Variants in NDFIP1 observed in about 807,000 individuals in gnomAD.
The protein encoded by NDFIP1 is Nedd4 family interacting protein 1.
A neutral mutation model predicts 28.8 loss-of-function variants in NDFIP1; 7 were observed. The ratio of observed to expected loss-of-function variants is 0.24; its 90% confidence interval spans 0.14 to 0.46. The LOEUF (loss-of-function observed/expected upper bound fraction) is 0.46, where lower values mean the gene tolerates loss of function less well. Ranked by LOEUF, NDFIP1 falls within the 20% of genes least tolerant of loss-of-function variation. The probability of loss-of-function intolerance (pLI) is 0.99; values close to 1 mark genes in which losing one functional copy is unlikely to be tolerated. For synonymous variants in NDFIP1, 92 were observed against 101.0 expected, an observed-to-expected ratio of 0.91 and a Z score of 0.53; for missense variants, 194 against 269.1, an observed-to-expected ratio of 0.72 and a Z score of 1.95.
chr5:142,131,258 C>A (rs1306534619), intron 1 of NDFIP1, among the ~76,000 whole-genome samples: 1 of 152,054 alleles, frequency 6.6e-6, no homozygotes, highest in Non-Finnish European at 1.5e-5. Flanking sequence ...GTGTGAGCCA[C>A]CATGCCTGGC....
At chr5:142,119,317 C>G (rs1006932523) in intron 1 of NDFIP1, among the ~76,000 whole-genome samples, 10 of 152,202 alleles carry the variant, frequency 6.6e-5, no homozygotes, top group African/African-American at 2.4e-4. Context: ...AATTATTAAC[C>G]CACACCCCTG....
intron 7 of NDFIP1, among the ~76,000 whole-genome samples, chr5:142,147,629 G>A (rs954245445): frequency 6.6e-6 from 1 of 152,180 alleles, no homozygotes; most frequent in Non-Finnish European, 1.5e-5. Flanking sequence ...GAGATTATGA[G>A]CTCTGAATTT....
rs11960947 is a variant in NDFIP1, at chr5:142,125,755, C to T, written c.64-6053C>T. The stretch of plus-strand genomic sequence containing the variant: ...GCAGTGTATTAGAGTTCCCGTTTCT[C>T]CACATACTCAGCACTTGTTATTGTC... On this transcript the variant is annotated intron_variant, in intron 1 of 7. Coordinates refer to ENST00000253814, the MANE Select transcript of NDFIP1 (RefSeq NM_030571.4). 9.9e-3 allele frequency among the ~76,000 whole-genome samples: 1,503 copies of T among 152,292 alleles called. 24 individuals are homozygous for T. Among genetic ancestry groups the T allele is most frequent in the African/African-American group, 0.035 (1,436 of 41,554 alleles).
intron 1 of NDFIP1, among the ~76,000 whole-genome samples, chr5:142,123,429 C>T (rs1757140648): frequency 6.6e-6 from 1 of 152,144 alleles, no homozygotes; most frequent in Non-Finnish European, 1.5e-5. Flanking sequence ...CCACCATGTC[C>T]AGCCATAAAA....
In NDFIP1 at chr5:142,108,907, A is replaced by G. The variant is rs2126907212; in HGVS notation, c.-68A>G. On this transcript the variant is annotated 5_prime_UTR_variant, in exon 1 of 8. Transcript: ENST00000253814. ...CCCCCTCGGCCTCCCAGCGCTCCCA[A>G]GCCGCAGCGGCCGCGCCCCTTCAGC... is the stretch of plus-strand genomic sequence containing the variant. 3 of 1,325,968 alleles carry G rather than the reference A, an allele frequency of 2.3e-6. No homozygotes were observed. Among genetic ancestry groups the G allele is most frequent in the Non-Finnish European group, 2.9e-6 (3 of 1,031,616 alleles). The allele number at this position is 1,325,968 out of a possible 1,614,324, so 82.1% of individuals were successfully genotyped here.
intron 1 of NDFIP1, among the ~76,000 whole-genome samples, chr5:142,122,470 G>T (rs10463348): frequency 0.67 from 102,172 of 151,990 alleles, 34,645 homozygotes; most frequent in African/African-American, 0.77. Context: ...CCCTCCTTAT[G>T]TGTCTTTTGG....
chr5:142,132,734 G>T (rs1211957432), intron 3 of NDFIP1, among the ~76,000 whole-genome samples: 1 of 152,188 alleles, frequency 6.6e-6, no homozygotes, highest in African/African-American at 2.4e-5. Flanking sequence ...AAACTCATAA[G>T]AGGGATCTTC....
rs1756978716 is a variant in NDFIP1, at chr5:142,108,807, C to G, written c.-168C>G. 8.2e-6 allele frequency: 4 copies of G among 486,210 alleles called. No homozygotes were observed. The highest frequency in any genetic ancestry group is 1.3e-5 in the Non-Finnish European group (4 of 298,856). The allele number at this position is 486,210 out of a possible 1,614,324, so 30.1% of individuals were successfully genotyped here. A position where few individuals can be genotyped will look rare whatever the true frequency, so the allele number is the denominator to read the frequency against. ...GGCCGCGTCGGAGCCTCGGCGGCGG[C>G]GGCGGTGCTTACAGCCTGAGAAGAG... On this transcript the variant is annotated 5_prime_UTR_variant, in exon 1 of 8. Coordinates refer to ENST00000253814, the MANE Select transcript of NDFIP1 (RefSeq NM_030571.4).
At chr5:142,133,274 A>T (rs1484262867) in intron 3 of NDFIP1, among the ~76,000 whole-genome samples, 2 of 152,218 alleles carry the variant, frequency 1.3e-5, no homozygotes, top group Non-Finnish European at 2.9e-5. Flanking sequence ...TCTTACAGGT[A>T]CCAGGGAGAA....
At chr5:142,135,597 A>G (rs1199969515) in intron 3 of NDFIP1, 133 bp from the exon 4 acceptor site, 6 of 637,814 alleles carry the variant, frequency 9.4e-6, no homozygotes, top group Middle Eastern at 3.1e-4. Flanking sequence ...TTAAACACAC[A>G]TTGAGCCTTT....
rs547465651 is a variant in NDFIP1 at position 142,154,264 on chromosome 5, C to T, written c.*2536C>T. 8 of 152,328 alleles carry T rather than the reference C, an allele frequency of 5.3e-5. No individual in the cohort carries two copies. In the South Asian group the frequency reaches 6.2e-4, roughly 12 times the overall value. 9.4% of individuals were successfully genotyped at this position (152,328 alleles called of 1,614,324 possible). A position where few individuals can be genotyped will look rare whatever the true frequency, so the allele number is the denominator to read the frequency against. ...CTAGCTTGGACCTTGGGCTGCAGGACGACTAGGATTCACCCATAACGACAC... is the reference window on the plus strand; with the variant it reads ...CTAGCTTGGACCTTGGGCTGCAGGATGACTAGGATTCACCCATAACGACAC... On this transcript the variant is annotated 3_prime_UTR_variant, in exon 8 of 8. Transcript: ENST00000253814.
chr5:142,132,080 A>G, intron 2 of NDFIP1, 132 bp from the exon 3 acceptor site: 1 of 1,151,722 alleles, frequency 8.7e-7, no homozygotes, highest in Non-Finnish European at 1.2e-6. Context: ...TCATCTAAGA[A>G]TGTCTTTTGG....
chr5:142,133,803 T>C (rs1292712787), intron 3 of NDFIP1, among the ~76,000 whole-genome samples: 1 of 152,186 alleles, frequency 6.6e-6, no homozygotes, highest in Non-Finnish European at 1.5e-5. Flanking sequence ...TGTTCCTCAT[T>C]GTTATTCAAA....
At chr5:142,128,180 C>T (rs1021913388) in intron 1 of NDFIP1, among the ~76,000 whole-genome samples, 4 of 152,084 alleles carry the variant, frequency 2.6e-5, no homozygotes, top group Admixed American at 6.5e-5. Flanking sequence ...GATTCTGTGA[C>T]AGTTAAATTG....
chr5:142,117,951 G>T (rs374731594), intron 1 of NDFIP1, among the ~76,000 whole-genome samples: 12 of 152,004 alleles, frequency 7.9e-5, no homozygotes, highest in African/African-American at 2.7e-4. Context: ...CCAGGCTGGC[G>T]TCAAACTCCT....
At chr5:142,120,544 AAAC>A (rs1341221590) in intron 1 of NDFIP1, among the ~76,000 whole-genome samples, 1 of 152,208 alleles carries the variant, frequency 6.6e-6, no homozygotes, top group Admixed American at 6.5e-5. Context: ...GCCTTTAAAC[AAAC>A]AACATTTTAC....
intron 5 of NDFIP1, among the ~76,000 whole-genome samples, chr5:142,140,001 TTAA>T (rs1757311873): frequency 6.6e-6 from 1 of 152,112 alleles, no homozygotes; most frequent in Non-Finnish European, 1.5e-5. Flanking sequence ...AAATAAGGAG[TTAA>T]TAAAGCTAAA....
At chr5:142,135,672 T>C in intron 3 of NDFIP1, 58 bp from the exon 4 acceptor site, 1 of 1,484,152 alleles carries the variant, frequency 6.7e-7, no homozygotes, top group Non-Finnish European at 9.4e-7. Flanking sequence ...AATTTAACCC[T>C]TCATTTTTCT....
intron 3 of NDFIP1, among the ~76,000 whole-genome samples, chr5:142,135,301 T>C (rs78403069): frequency 0.071 from 10,799 of 152,234 alleles, 496 homozygotes; most frequent in Middle Eastern, 0.15. Context: ...ATTACTAATA[T>C]TTTAGGTCCT....
Sources: gnomAD v4.1 joint callset for allele counts (sites outside exome capture counted in the v4.1 genomes callset) on GRCh38, gnomAD v4.1.1 for gene constraint, MANE v1.5 for transcripts, NCBI Gene and HGNC (gene_info 2026-07-23, HGNC 2026-07-21) for gene names.